The following DOCK11 variants were observed in gnomAD, a reference collection of about 807,000 sequenced individuals.
The protein encoded by DOCK11 is dedicator of cytokinesis 11.
DOCK11 carries 70 observed loss-of-function variants against 169.1 expected under a neutral mutation model. The ratio of observed to expected loss-of-function variants is 0.41; its 90% CI spans 0.34 to 0.51. DOCK11 has a LOEUF of 0.51. Among genes scored for constraint, DOCK11 ranks in the 20% least tolerant of loss-of-function variants. The probability of loss-of-function intolerance (pLI) is 0.10; values close to 1 mark genes in which losing one functional copy is unlikely to be tolerated. For synonymous variants in DOCK11, 529 were observed against 541.3 expected, an observed-to-expected ratio of 0.98 and a Z score of 0.32; for missense variants, 1,166 against 1,538.8, an observed-to-expected ratio of 0.76 and a Z score of 4.05.
chrX:118,601,131 G>A (rs1220679134), intron 23 of DOCK11, among the ~76,000 whole-genome samples: 1 of 111,441 alleles, frequency 9.0e-6, no homozygotes, highest in Non-Finnish European at 1.9e-5. Flanking sequence ...CTATCATTAA[G>A]ACGTATAATA....
At chrX:118,529,271 C>T (rs2011453438) in intron 1 of DOCK11, among the ~76,000 whole-genome samples, 1 of 112,095 alleles carries the variant, frequency 8.9e-6, no homozygotes, top group African/African-American at 3.2e-5. Context: ...CGTGAGCCAC[C>T]ACGCCCGACC....
Position 118,680,502 on chromosome X carries a change from T to C in DOCK11, c.5481T>C (p.Asp1827=). 1 of 1,146,739 alleles carries C rather than the reference T, an allele frequency of 8.7e-7. No individual in the cohort carries two copies. The highest frequency in any genetic ancestry group is 1.2e-6 in the Non-Finnish European group (1 of 860,823). 94.5% of individuals were successfully genotyped at this position (1,146,739 alleles called of 1,213,427 possible). ...DSDKVNAKEL[D]PKYAHIQVTY... is the part of the protein sequence containing the mutation. Reference sequence around the variant, plus strand: ...TATAGGTAAATGCCAAAGAGCTTGATCCAAAATATGCTCATATACAAGTTA... The same window carrying C: ...TATAGGTAAATGCCAAAGAGCTTGACCCAAAATATGCTCATATACAAGTTA... The change falls in exon 49 of 53, where the codon GAT becomes GAC. Residue 1827 remains aspartate, a synonymous_variant. Transcript: ENST00000276202.
At chrX:118,637,379 A>G (rs1177310050) in intron 36 of DOCK11, among the ~76,000 whole-genome samples, 2 of 111,690 alleles carry the variant, frequency 1.8e-5, no homozygotes, top group African/African-American at 3.3e-5. Flanking sequence ...GAAATTTTTA[A>G]TAATATAAAG....
chrX:118,503,455 TAAAAG>T (rs1050047973), intron 1 of DOCK11, among the ~76,000 whole-genome samples: 2 of 111,705 alleles, frequency 1.8e-5, no homozygotes, highest in African/African-American at 6.5e-5. Flanking sequence ...TGGTGATTCT[TAAAAG>T]GGAAGGAGAA....
chrX:118,649,147 C>T lies in DOCK11; in HGVS notation c.4581+20C>T. 2.6e-6 allele frequency: 3 copies of T among 1,141,739 alleles called. No homozygotes were observed. The African/African-American group carries it at 5.5e-5, about 21-fold the overall frequency. The allele number at this position is 1,141,739 out of a possible 1,213,427, so 94.1% of individuals were successfully genotyped here. ...CTACAGGTCAGTGAAAATAAAAGCG[C>T]CTCTTCATCTTTCTTCTCTTCAATC... On this transcript the variant is annotated intron_variant, in intron 41 of 52. Coordinates refer to ENST00000276202, the MANE Select transcript of DOCK11 (RefSeq NM_144658.4).
intron 6 of DOCK11, among the ~76,000 whole-genome samples, chrX:118,556,387 C>T (rs1234561659): frequency 9.1e-6 from 1 of 109,569 alleles, no homozygotes; most frequent in Admixed American, 9.9e-5. Flanking sequence ...ACTTTCCTTC[C>T]TATGTTTAAT....
intron 6 of DOCK11, among the ~76,000 whole-genome samples, chrX:118,558,273 G>A (rs754525344): frequency 3.6e-5 from 4 of 110,772 alleles, no homozygotes; most frequent in East Asian, 2.8e-4. Flanking sequence ...GCTCCTGGCC[G>A]CCTGTGTGAA....
intron 13 of DOCK11, among the ~76,000 whole-genome samples, 159 bp downstream of exon 13, chrX:118,578,806 T>C (rs189487557): frequency 2.2e-3 from 251 of 112,630 alleles, no homozygotes; most frequent in African/African-American, 7.5e-3. Flanking sequence ...TTTCCTATTG[T>C]CATTGATGTT....
intron 6 of DOCK11, among the ~76,000 whole-genome samples, chrX:118,548,436 C>A (rs192469626): frequency 8.9e-6 from 1 of 111,739 alleles, no homozygotes; most frequent in Non-Finnish European, 1.9e-5. Context: ...AATTACTAAT[C>A]GGCAGGAGGG....
intron 52 of DOCK11, among the ~76,000 whole-genome samples, chrX:118,683,862 C>T (rs1428870861): frequency 8.9e-6 from 1 of 112,016 alleles, no homozygotes; most frequent in African/African-American, 3.2e-5. Flanking sequence ...GGCTATTTCT[C>T]TTAGATATAG....
chrX:118,638,051 T>C, intron 36 of DOCK11, 29 bp from the exon 37 acceptor site: 2 of 1,146,870 alleles, frequency 1.7e-6, no homozygotes, highest in South Asian at 3.7e-5. Flanking sequence ...GTTAATATAT[T>C]ACTAACATGC....
At chrX:118,605,063 AGG>A (rs1482639730) in intron 23 of DOCK11, among the ~76,000 whole-genome samples, 173 bp from the exon 24 acceptor site, 1 of 112,174 alleles carries the variant, frequency 8.9e-6, no homozygotes, top group African/African-American at 3.2e-5. Flanking sequence ...TGCCAAATAG[AGG>A]TGTGGATTAA....
Position 118,622,264 on chromosome X carries a change from G to T in DOCK11, c.3472-2275G>T, listed in dbSNP as rs188378551. 4.1e-3 allele frequency among the ~76,000 whole-genome samples: 457 copies of T among 112,005 alleles called. 2 individuals are homozygous for T. The highest frequency in any genetic ancestry group is 0.014 in the African/African-American group (443 of 30,837). On this transcript the variant is annotated intron_variant, in intron 31 of 52. Transcript: ENST00000276202. ...ATTTTATATAAGCACAAGCCTATATGACATATATGTATAAAATATAACAGA... is the reference window on the plus strand; with the variant it reads ...ATTTTATATAAGCACAAGCCTATATTACATATATGTATAAAATATAACAGA...
At chrX:118,682,357 A>T (rs5957041) in intron 51 of DOCK11, among the ~76,000 whole-genome samples, 1,878 of 111,501 alleles carry the variant, frequency 0.017, 51 homozygotes, top group African/African-American at 0.058. Context: ...AATATGGACT[A>T]AGGAGAAAGA....
At chrX:118,647,414 A>G (rs375293922) in intron 40 of DOCK11, among the ~76,000 whole-genome samples, 166 of 93,797 alleles carry the variant, frequency 1.8e-3, no homozygotes, top group African/African-American at 5.7e-3. Context: ...TTACTGTATT[A>G]TGGCGGTGCA....
chrX:118,606,493 G>A (rs2014507754), intron 24 of DOCK11, among the ~76,000 whole-genome samples: 1 of 112,715 alleles, frequency 8.9e-6, no homozygotes, highest in South Asian at 3.6e-4. Flanking sequence ...GAATAAGGAA[G>A]TATTATTTTT....
intron 24 of DOCK11, among the ~76,000 whole-genome samples, chrX:118,607,665 C>T (rs1368615644): frequency 9.0e-6 from 1 of 111,159 alleles, no homozygotes; most frequent in Non-Finnish European, 1.9e-5. Flanking sequence ...CCGCCTTGGC[C>T]TCCCAAAGTG....
At position 118,573,850 on chromosome X, in the gene DOCK11, C is replaced by A; in HGVS notation, c.1221C>A (p.Asn407Lys). 5.0e-6 allele frequency: 6 copies of A among 1,210,325 alleles called. No individual in the cohort carries two copies. The highest frequency in any genetic ancestry group is 1.8e-5 in the South Asian group (1 of 56,676). Residue 407 changes from asparagine (N) to lysine (K), a missense_variant, in exon 12 of 53, where the codon AAC (asparagine) becomes AAA (lysine). By Grantham distance (94) the Asn-to-Lys change is moderately conservative (BLOSUM62 0). Transcript: ENST00000276202. ...FINLALFDVKNNCKISADFHV... is the reference protein window; with the variant it reads ...FINLALFDVKKNCKISADFHV... ...ATCTTGCCTTATTTGATGTAAAGAACAATTGTAAGATTTCAGCAGACTTTC... is the reference window on the plus strand; with the variant it reads ...ATCTTGCCTTATTTGATGTAAAGAAAAATTGTAAGATTTCAGCAGACTTTC...
intron 1 of DOCK11, among the ~76,000 whole-genome samples, chrX:118,532,023 G>A (rs1383525946): frequency 9.1e-6 from 1 of 110,416 alleles, no homozygotes; most frequent in Non-Finnish European, 1.9e-5. Context: ...TGGTGATAGG[G>A]GGTTTGTCAT....
Sources: gnomAD v4.1 joint callset for allele counts (sites outside exome capture counted in the v4.1 genomes callset) on GRCh38, gnomAD v4.1.1 for gene constraint, MANE v1.5 for transcripts, NCBI Gene and HGNC (gene_info 2026-07-23, HGNC 2026-07-21) for gene names.